The following RAD17 variants were observed in gnomAD, a reference collection of about 807,000 sequenced individuals.
RAD17 encodes the protein cell cycle checkpoint protein RAD17.
RAD17 carries 31 observed loss-of-function variants against 81.5 expected under a neutral mutation model. That is an observed-to-expected ratio of 0.38 (90% CI 0.29 to 0.51). The LOEUF (loss-of-function observed/expected upper bound fraction) is 0.51. RAD17 is among the 20% of genes least tolerant of loss of function. RAD17 has a pLI of 0.88. For synonymous variants in RAD17, 261 were observed against 266.2 expected, an observed-to-expected ratio of 0.98 and a Z score of 0.19; for missense variants, 681 against 781.2, an observed-to-expected ratio of 0.87 and a Z score of 1.53.
chr5:69,386,408 G>T lies in RAD17; in HGVS notation c.837G>T (p.Val279=). 1 of 1,596,364 alleles carries T rather than the reference G, an allele frequency of 6.3e-7. No individual in the cohort carries two copies. The stretch of plus-strand genomic sequence containing the variant: ...TTATAAAACTTAGTTTCAACCCTGT[G>T]GCACCAACAATTATGATGAAATTTC... ...CSISNISFNP[V]APTIMMKFLN... is the part of the protein sequence containing the mutation. Residue 279 remains valine, a synonymous_variant, in exon 11 of 19, where the codon GTG becomes GTT. Transcript: ENST00000354868.
At chr5:69,375,300 A>G (rs1032299583) in intron 6 of RAD17, among the ~76,000 whole-genome samples, 2 of 152,150 alleles carry the variant, frequency 1.3e-5, no homozygotes, top group Admixed American at 6.5e-5. Flanking sequence ...AGCACATCAG[A>G]TTATCTCAGG....
chr5:69,375,349 TA>T (rs1021731394), intron 6 of RAD17, among the ~76,000 whole-genome samples: 8 of 152,302 alleles, frequency 5.3e-5, no homozygotes, highest in Non-Finnish European at 1.2e-4. Context: ...GTTTCTCTAC[TA>T]AATATAGCCA....
At chr5:69,398,661 C>T (rs1266547292) in intron 16 of RAD17, among the ~76,000 whole-genome samples, 1 of 151,284 alleles carries the variant, frequency 6.6e-6, no homozygotes, top group Non-Finnish European at 1.5e-5. Flanking sequence ...CAAAAGTTTG[C>T]CAGGTGTGGT....
At chr5:69,385,900 C>T (rs1764182241) in intron 8 of RAD17, 143 bp from the exon 9 acceptor site, 2 of 843,216 alleles carry the variant, frequency 2.4e-6, no homozygotes, top group Non-Finnish European at 3.3e-6. Context: ...TTTCGGATAT[C>T]ATCTATTTCA....
chr5:69,394,215 T>A (rs1764733145), intron 15 of RAD17, among the ~76,000 whole-genome samples: 1 of 150,756 alleles, frequency 6.6e-6, no homozygotes, highest in Non-Finnish European at 1.5e-5. Context: ...CAAGCACCAC[T>A]ATCCTTAGCT....
chr5:69,407,112 C>T (rs542129265), intron 17 of RAD17, among the ~76,000 whole-genome samples: 10 of 151,004 alleles, frequency 6.6e-5, no homozygotes, highest in Non-Finnish European at 1.3e-4. Context: ...AAGCGATTCT[C>T]CTACCTCAGC....
At chr5:69,374,281 G>A (rs1440940533) in intron 5 of RAD17, among the ~76,000 whole-genome samples, 194 bp downstream of exon 5, 4 of 152,062 alleles carry the variant, frequency 2.6e-5, no homozygotes, top group South Asian at 4.1e-4. Flanking sequence ...TGTATGATTA[G>A]TTGTCTTAGA....
At chr5:69,392,036 A>G (rs1447680308) in intron 13 of RAD17, 23 bp downstream of exon 13, 2 of 1,465,498 alleles carry the variant, frequency 1.4e-6, no homozygotes, top group Non-Finnish European at 1.8e-6. Flanking sequence ...TACACTTTTA[A>G]AATCTGTTGG....
chr5:69,401,425 T>C (rs963575778), intron 17 of RAD17, among the ~76,000 whole-genome samples: 3 of 152,236 alleles, frequency 2.0e-5, no homozygotes, highest in African/African-American at 7.2e-5. Context: ...TTTTCCAATT[T>C]GTAAACATTT....
At chr5:69,390,647 A>G (rs1764493288) in intron 12 of RAD17, among the ~76,000 whole-genome samples, 1 of 151,970 alleles carries the variant, frequency 6.6e-6, no homozygotes, top group African/African-American at 2.4e-5. Flanking sequence ...TTTGTATCTC[A>G]TTTCATTAAC....
intron 17 of RAD17, among the ~76,000 whole-genome samples, chr5:69,401,655 C>A (rs936546900): frequency 3.9e-5 from 6 of 152,008 alleles, no homozygotes; most frequent in African/African-American, 1.4e-4. Context: ...TGATCAGAAT[C>A]CAGAGATTGC....
chr5:69,413,956 A>G, intron 18 of RAD17, 75 bp from the exon 19 acceptor site: 1 of 1,521,224 alleles, frequency 6.6e-7, no homozygotes, highest in Non-Finnish European at 8.9e-7. Flanking sequence ...TGGCTTCATA[A>G]TCATCACACT....
chr5:69,382,387 G>A (rs1763911427), intron 7 of RAD17, among the ~76,000 whole-genome samples: 2 of 152,222 alleles, frequency 1.3e-5, no homozygotes, highest in South Asian at 2.1e-4. Flanking sequence ...CAAGGTTGCA[G>A]TGAGCTATAG....
chr5:69,394,869 G>C (rs919451888), intron 15 of RAD17, among the ~76,000 whole-genome samples: 1 of 152,084 alleles, frequency 6.6e-6, no homozygotes, highest in Non-Finnish European at 1.5e-5. Flanking sequence ...GAGACCAGCT[G>C]GGGCAATGTG....
Position 69,372,033 on chromosome 5 carries a change from G to T in RAD17, c.-175-1G>T. The T allele has an allele frequency of 7.7e-7, 1 of 1,290,596 alleles. No individual in the cohort carries two copies. Among genetic ancestry groups the T allele is most frequent in the Non-Finnish European group, 1.0e-6 (1 of 984,352 alleles). 79.9% of individuals were successfully genotyped at this position (1,290,596 alleles called of 1,614,324 possible). ...GCTGTTTATCTTTCTCTTTTTTTCA[G>T]TATATGGGAGTCCACATTTATGTAA... On this transcript the variant is annotated splice_acceptor_variant, in intron 3 of 18. Transcript: ENST00000354868. LOFTEE classifies it low-confidence loss of function (5UTR_SPLICE).
chr5:69,411,979 C>T (rs576743795), intron 18 of RAD17, among the ~76,000 whole-genome samples: 9 of 151,812 alleles, frequency 5.9e-5, no homozygotes, highest in African/African-American at 1.9e-4. Context: ...TTTTTGTAGA[C>T]GGAGTCTAGC....
rs955826712 is a variant in RAD17 at position 69,406,677 on chromosome 5, A to AT, written c.1694-3806dup. 4.0e-4 allele frequency among the ~76,000 whole-genome samples: 58 copies of AT among 146,774 alleles called. No homozygotes were observed. The East Asian group carries it at 5.2e-3, about 13-fold the overall frequency. ...ACCACCACACTTGGCTAATTTTTGT[A>AT]TTTTTTTTTTGTAAGGATGGGGTTT... On this transcript the variant is annotated intron_variant, in intron 17 of 18. Transcript: ENST00000354868.
Position 69,384,943 on chromosome 5 carries a change from A to C in RAD17, c.645+10A>C. 6.4e-7 allele frequency: 1 copy of C among 1,566,036 alleles called. No homozygotes were observed. Among genetic ancestry groups the C allele is most frequent in the Non-Finnish European group, 8.6e-7 (1 of 1,160,540 alleles). On this transcript the variant is annotated intron_variant, in intron 8 of 18. Transcript: ENST00000354868. The stretch of plus-strand genomic sequence containing the variant: ...GATAATTCTGGTTGAAGTAAGGACA[A>C]CTTTTAAAATCTTTTTTTTTTTTTT...
intron 13 of RAD17, chr5:69,392,861 C>G (rs1764633056): frequency 2.2e-6 from 1 of 461,386 alleles, no homozygotes; most frequent in Non-Finnish European, 4.1e-6. Flanking sequence ...GATGAGAAAT[C>G]AAGGGAAGAA....
Sources: gnomAD v4.1 joint callset for allele counts (sites outside exome capture counted in the v4.1 genomes callset) on GRCh38, gnomAD v4.1.1 for gene constraint, MANE v1.5 for transcripts, NCBI Gene and HGNC (gene_info 2026-07-23, HGNC 2026-07-21) for gene names.